Variants in DST observed in about 807,000 individuals in gnomAD.
DST encodes the protein dystonin.
A neutral mutation model predicts 875.2 loss-of-function variants in DST; 253 were observed. That is an observed-to-expected ratio of 0.29 (90% CI 0.26 to 0.32). The LOEUF is 0.32. Ranked by LOEUF, DST falls within the 10% of genes least tolerant of loss-of-function variation. The pLI, the probability that DST is intolerant of heterozygous loss-of-function variation, is 1.00. For missense variants in DST, 8,287 were observed against 9,111.6 expected (o/e 0.91, Z 3.68); for synonymous variants, 3,124 against 3,197.1 (o/e 0.98, Z 0.77).
At position 56,763,690 on chromosome 6, in the gene DST, C is replaced by CACACAT. The variant is rs1240937218; in HGVS notation, c.626-28402_626-28401insATGTGT. Among the ~76,000 whole-genome samples, 4 of 108,626 alleles carry CACACAT rather than the reference C, an allele frequency of 3.7e-5. No individual in the cohort carries two copies. In the Admixed American group the frequency reaches 4.2e-4, roughly 11 times the overall value. 71.3% of individuals were successfully genotyped at this position (108,626 alleles called of 152,430 possible). ...TAAAAAAAAAAAATACCTATACACA[C>CACACAT]ACACACACACACACACACACACACA... On this transcript the variant is annotated intron_variant, in intron 4 of 103. Transcript: ENST00000680361.
intron 4 of DST, among the ~76,000 whole-genome samples, chr6:56,768,037 T>C (rs2099638622): frequency 6.6e-6 from 1 of 152,136 alleles, no homozygotes; most frequent in Admixed American, 6.6e-5. Context: ...CACAGGACCA[T>C]ATAAGCCATT....
At position 56,557,513 on chromosome 6, in the gene DST, T is replaced by C; in HGVS notation, c.14446A>G (p.Lys4816Glu). ...GTTAATTGATTGAGTTCTTGCCACT[T>C]AGAATCTAAAAGAAAAAAAATGAAA... ...WKQMLTEIDS[K>E]WQELNQLTID... is the part of the protein sequence containing the mutation. The change falls in exon 59 of 104, where the codon AAG (lysine) becomes GAG (glutamate). Residue 4816 changes from lysine (K) to glutamate (E), a missense_variant. Coordinates refer to ENST00000680361, the MANE Select transcript of DST (RefSeq NM_001374736.1). 1 of 1,606,250 alleles carries C rather than the reference T, an allele frequency of 6.2e-7. No homozygotes were observed. The highest frequency in any genetic ancestry group is 1.3e-5 in the African/African-American group (1 of 74,680).
chr6:56,590,981 C>T (rs530821425), intron 49 of DST, among the ~76,000 whole-genome samples: 12 of 152,200 alleles, frequency 7.9e-5, no homozygotes, highest in South Asian at 2.1e-4. Context: ...CACAATTTTT[C>T]GACTCTGTAA....
At chr6:56,640,696 A>T in intron 17 of DST, 91 bp from the exon 18 acceptor site, 1 of 1,024,106 alleles carries the variant, frequency 9.8e-7, no homozygotes, top group South Asian at 1.3e-5. Context: ...TTTAGTTAAT[A>T]ATGATGTATC....
At position 56,557,197 on chromosome 6, in the gene DST, T is replaced by C. The variant is rs192486038; in HGVS notation, c.14640+122A>G. On this transcript the variant is annotated intron_variant, in intron 59 of 103. Coordinates refer to ENST00000680361, the MANE Select transcript of DST (RefSeq NM_001374736.1). ...TTATGGGCATCTGAAACATTACATATATACTTCAAAGCAGTTAAATAAAAC... is the reference window on the plus strand; with the variant it reads ...TTATGGGCATCTGAAACATTACATACATACTTCAAAGCAGTTAAATAAAAC... 3.7e-4 allele frequency: 309 copies of C among 846,370 alleles called. No homozygotes were observed. The African/African-American group carries it at 4.4e-3, about 12-fold the overall frequency. 52.4% of individuals were successfully genotyped at this position (846,370 alleles called of 1,614,324 possible). A position where few individuals can be genotyped will look rare whatever the true frequency, so the allele number is the denominator to read the frequency against.
chr6:56,783,130 A>T (rs945915794), intron 4 of DST, among the ~76,000 whole-genome samples: 12 of 151,704 alleles, frequency 7.9e-5, no homozygotes, highest in African/African-American at 2.9e-4. Flanking sequence ...TGCTGAGGAG[A>T]GCTTTACTTC....
At position 56,573,916 on chromosome 6, in the gene DST, C is replaced by T. The variant is rs192600877; in HGVS notation, c.13028-29G>A. On this transcript the variant is annotated intron_variant, in intron 50 of 103. Transcript: ENST00000680361. ...CTCCAAACAGATCAGGAATATTAAC[C>T]ACAAAGTTCTCTTTGCCCTATCCCT... 27 of 1,535,664 alleles carry T rather than the reference C, an allele frequency of 1.8e-5. 1 individual carries two copies. In the Middle Eastern group the frequency reaches 6.8e-4, roughly 39 times the overall value.
chr6:56,839,698 C>T (rs914279760), intron 4 of DST, among the ~76,000 whole-genome samples: 11 of 152,124 alleles, frequency 7.2e-5, no homozygotes, highest in Admixed American at 5.2e-4. Flanking sequence ...TTACTAATCA[C>T]CTATCAATAA....
intron 5 of DST, among the ~76,000 whole-genome samples, chr6:56,727,654 T>G (rs2099469160): frequency 1.3e-5 from 2 of 152,290 alleles, no homozygotes; most frequent in African/African-American, 2.4e-5. Flanking sequence ...AAATAGAAAT[T>G]TATGGCTACA....
At chr6:56,633,106 C>A (rs955245294) in intron 27 of DST, 69 bp from the exon 28 acceptor site, 38 of 1,299,344 alleles carry the variant, frequency 2.9e-5, no homozygotes, top group Non-Finnish European at 4.1e-5. Context: ...ACACTTCAAA[C>A]TGGTCGTGTG....
intron 55 of DST, among the ~76,000 whole-genome samples, chr6:56,565,072 C>T (rs940891594): frequency 2.0e-5 from 3 of 150,226 alleles, no homozygotes; most frequent in Non-Finnish European, 4.4e-5. Flanking sequence ...TGATGCTGGC[C>T]TCATAAAATG....
chr6:56,910,347 C>T (rs1002655266), intron 2 of DST, among the ~76,000 whole-genome samples: 1 of 152,174 alleles, frequency 6.6e-6, no homozygotes, highest in Non-Finnish European at 1.5e-5. Flanking sequence ...TTTAAAGAGA[C>T]AAGGTCTCAC....
chr6:56,554,417 A>G (rs141707486), intron 60 of DST, among the ~76,000 whole-genome samples: 2,375 of 152,248 alleles, frequency 0.016, 26 homozygotes, highest in Middle Eastern at 0.031. Flanking sequence ...TGGAGGCAAC[A>G]TAATGTAGCA....
At position 56,632,020 on chromosome 6, in the gene DST, A is replaced by G; in HGVS notation, c.3826T>C (p.Tyr1276His). ...CGAACTTCAGAGATGTAGAGATTAT[A>G]AACTGATTCCTCTTGCTCCTCTGTG... ...AEREEQEESVYNLYISEVRNI... is the reference protein window; with the variant it reads ...AEREEQEESVHNLYISEVRNI... The change falls in exon 29 of 104, where the codon TAT becomes CAT. Residue 1276 changes from tyrosine (Y) to histidine (H), a missense_variant. Around this residue, in one of 10 missense-constraint regions of DST, gnomAD observed 3,138 missense variants for 3,116.6 expected, o/e 1.01. Coordinates refer to ENST00000680361, the MANE Select transcript of DST (RefSeq NM_001374736.1). 6.2e-7 allele frequency: 1 copy of G among 1,613,064 alleles called. No individual in the cohort carries two copies. Among genetic ancestry groups the G allele is most frequent in the Non-Finnish European group, 8.5e-7 (1 of 1,179,082 alleles).
chr6:56,570,705 A>G (rs1441880079), intron 53 of DST, among the ~76,000 whole-genome samples: 1 of 152,100 alleles, frequency 6.6e-6, no homozygotes. Flanking sequence ...CTGTTGGTCT[A>G]TTTTTCAGGC....
intron 47 of DST, among the ~76,000 whole-genome samples, chr6:56,597,160 G>A (rs765899230): frequency 6.6e-6 from 1 of 151,880 alleles, no homozygotes; most frequent in Non-Finnish European, 1.5e-5. Flanking sequence ...GGATCAATTG[G>A]GCCAGGGAGT....
At chr6:56,671,396 G>T (rs2099100835) in intron 9 of DST, among the ~76,000 whole-genome samples, 1 of 152,182 alleles carries the variant, frequency 6.6e-6, no homozygotes, top group Non-Finnish European at 1.5e-5. Context: ...AACAATGAAA[G>T]AAATAGTATT....
At chr6:56,689,158 A>T (rs575668877) in intron 9 of DST, among the ~76,000 whole-genome samples, 1 of 152,302 alleles carries the variant, frequency 6.6e-6, no homozygotes, top group South Asian at 2.1e-4. Context: ...TGCTCTGAAG[A>T]TAAATGTAGT....
At chr6:56,490,828 C>T (rs1259121581) in intron 85 of DST, among the ~76,000 whole-genome samples, 1 of 152,036 alleles carries the variant, frequency 6.6e-6, no homozygotes, top group Non-Finnish European at 1.5e-5. Flanking sequence ...GTTCTGCTTT[C>T]AAAACTATTT....
Sources: allele counts gnomAD v4.1 joint callset (sites outside exome capture counted in the v4.1 genomes callset), GRCh38; gene constraint gnomAD v4.1.1; regional missense constraint gnomAD v4.1.1; transcripts MANE v1.5; gene names NCBI Gene and HGNC (gene_info 2026-07-23, HGNC 2026-07-21).